The following GRAMD4 variants were observed in gnomAD, a reference collection of about 807,000 sequenced individuals.
GRAMD4 encodes GRAM domain-containing protein 4.
Under a neutral mutation model 83.9 loss-of-function variants are expected in GRAMD4, and 25 were observed. That is an observed-to-expected ratio of 0.30 (90% CI 0.22 to 0.42). GRAMD4 has a LOEUF of 0.42. GRAMD4 is among the 10% of genes least tolerant of loss of function. The pLI is 1.00. For synonymous variants in GRAMD4, 336 were observed against 320.9 expected (o/e 1.05, Z -0.50); for missense variants, 593 against 788.7 (o/e 0.75, Z 2.97).
intron 3 of GRAMD4, among the ~76,000 whole-genome samples, chr22:46,657,426 G>A (rs77974412): frequency 1.3e-4 from 20 of 152,284 alleles, no homozygotes; most frequent in African/African-American, 3.9e-4. Context: ...GAGAGAGGCC[G>A]GGTCCCCGTC....
At chr22:46,623,623 C>T (rs2147150426) in intron 1 of GRAMD4, among the ~76,000 whole-genome samples, 1 of 152,076 alleles carries the variant, frequency 6.6e-6, no homozygotes, top group South Asian at 2.1e-4. Flanking sequence ...GTCTCGATGT[C>T]CTGACCTCGT....
chr22:46,594,710 G>C (rs2081244043), intron 1 of GRAMD4, among the ~76,000 whole-genome samples: 1 of 151,990 alleles, frequency 6.6e-6, no homozygotes, highest in African/African-American at 2.4e-5. Flanking sequence ...GGCCGGACTG[G>C]AGATGGAGGC....
At chr22:46,644,616 A>C (rs2082041128) in intron 3 of GRAMD4, among the ~76,000 whole-genome samples, 2 of 149,702 alleles carry the variant, frequency 1.3e-5, no homozygotes, top group South Asian at 4.2e-4. Context: ...GTTCCAGGTT[A>C]CACCTGTCCC....
At position 46,668,081 on chromosome 22, in the gene GRAMD4, C is replaced by T. The variant is rs767680167; in HGVS notation, c.859-15C>T. On this transcript the variant is annotated splice_polypyrimidine_tract_variant and intron_variant, in intron 10 of 18. Transcript: ENST00000406902. ...TAAATTTCAGTGGAAAATTCTCTTT[C>T]CCCTTTTACTGAAGGAACCTCCAAA... 1.3e-6 allele frequency: 2 copies of T among 1,575,284 alleles called. No homozygotes were observed. Among genetic ancestry groups the T allele is most frequent in the Non-Finnish European group, 1.7e-6 (2 of 1,146,150 alleles).
intron 2 of GRAMD4, among the ~76,000 whole-genome samples, chr22:46,631,094 C>G (rs1173163449): frequency 6.6e-6 from 1 of 152,258 alleles, no homozygotes; most frequent in Non-Finnish European, 1.5e-5. Flanking sequence ...TTTTATTGTG[C>G]AGGAAGTTGG....
At chr22:46,649,795 G>A (rs904332668) in intron 3 of GRAMD4, among the ~76,000 whole-genome samples, 3 of 152,230 alleles carry the variant, frequency 2.0e-5, no homozygotes, top group Non-Finnish European at 4.4e-5. Flanking sequence ...CACAATAAAA[G>A]CGAGGCATTT....
chr22:46,592,376 A>G (rs1346614311), intron 1 of GRAMD4, among the ~76,000 whole-genome samples: 1 of 152,068 alleles, frequency 6.6e-6, no homozygotes, highest in African/African-American at 2.4e-5. Flanking sequence ...TTGGGAGGCT[A>G]AGGCGGGAGG....
intron 1 of GRAMD4, among the ~76,000 whole-genome samples, chr22:46,600,240 G>C (rs7284276): frequency 0.21 from 31,589 of 152,134 alleles, 3,778 homozygotes; most frequent in East Asian, 0.34. Context: ...GGTGGGATGT[G>C]GGCCACTGCT....
chr22:46,655,597 G>C (rs1004479731), intron 3 of GRAMD4, among the ~76,000 whole-genome samples: 1 of 152,156 alleles, frequency 6.6e-6, no homozygotes, highest in Non-Finnish European at 1.5e-5. Flanking sequence ...GGAGCCAGCC[G>C]GCCGCCCAGA....
chr22:46,583,096 G>C (rs1370905857), intron 1 of GRAMD4, among the ~76,000 whole-genome samples: 2 of 152,250 alleles, frequency 1.3e-5, no homozygotes, highest in African/African-American at 4.8e-5. Flanking sequence ...GGCTAATTTT[G>C]TATTTTTAGT....
intron 1 of GRAMD4, among the ~76,000 whole-genome samples, chr22:46,597,957 A>G (rs1243157126): frequency 6.6e-6 from 1 of 151,640 alleles, no homozygotes; most frequent in African/African-American, 2.4e-5. Context: ...TTTTTAGTCC[A>G]TTAGGTTTTG....
At chr22:46,675,058 A>G (rs142629142) in intron 16 of GRAMD4, among the ~76,000 whole-genome samples, 12 of 152,310 alleles carry the variant, frequency 7.9e-5, no homozygotes, top group East Asian at 3.9e-4. Context: ...GGGACCTGCT[A>G]TTGCTGAGGC....
At chr22:46,577,093 C>A (rs2081048893), upstream of GRAMD4, 1 of 154,622 alleles carries the variant, frequency 6.5e-6, no homozygotes, top group African/African-American at 2.5e-5. Flanking sequence ...CGCGCAGACT[C>A]CGCGCAGCGG....
At position 46,663,134 on chromosome 22, in the gene GRAMD4, G is replaced by T; in HGVS notation, c.561G>T (p.Glu187Asp). 6.2e-7 allele frequency: 1 copy of T among 1,612,530 alleles called. No individual in the cohort carries two copies. Among genetic ancestry groups the T allele is most frequent in the East Asian group, 2.2e-5 (1 of 44,868 alleles). Residue 187 changes from glutamate to aspartate, a missense_variant, in exon 6 of 19, where the codon GAG becomes GAT. Glu to Asp is a conservative substitution (Grantham distance 45). Transcript: ENST00000406902. ...AGGACTTCCGGTTCCAGCCCGAGGA[G>T]AACACTGTGGAGACAGAGGAACCCC... The part of the protein sequence containing the change: ...YVEDFRFQPE[E>D]NTVETEEPLS...
intron 3 of GRAMD4, among the ~76,000 whole-genome samples, chr22:46,643,506 T>A (rs1462443635): frequency 6.6e-6 from 1 of 152,234 alleles, no homozygotes; most frequent in African/African-American, 2.4e-5. Context: ...AATCAGGAAA[T>A]TAACATTGAT....
intron 1 of GRAMD4, among the ~76,000 whole-genome samples, chr22:46,602,231 C>A (rs897190284): frequency 1.3e-5 from 2 of 152,240 alleles, no homozygotes; most frequent in African/African-American, 4.8e-5. Flanking sequence ...AGGAGAGCTT[C>A]CTGGAAGTGA....
chr22:46,658,397 C>A (rs992877704), intron 4 of GRAMD4, 90 bp downstream of exon 4: 1 of 1,253,148 alleles, frequency 8.0e-7, no homozygotes, highest in Non-Finnish European at 1.1e-6. Flanking sequence ...GCACCCATAG[C>A]GTCTTGGCAG....
intron 1 of GRAMD4, chr22:46,577,334 C>T: frequency 1.0e-6 from 1 of 976,732 alleles, no homozygotes; most frequent in Non-Finnish European, 1.2e-6. Flanking sequence ...ACCTGGTTGC[C>T]CCGCGACCAC....
At chr22:46,639,266 G>A (rs1359281506) in intron 3 of GRAMD4, among the ~76,000 whole-genome samples, 1 of 152,086 alleles carries the variant, frequency 6.6e-6, no homozygotes, top group African/African-American at 2.4e-5. Flanking sequence ...GTAGACAGTG[G>A]TAGTTAACCC....
Sources: allele counts gnomAD v4.1 joint callset (sites outside exome capture counted in the v4.1 genomes callset), GRCh38; gene constraint gnomAD v4.1.1; transcripts MANE v1.5; gene names NCBI Gene and HGNC (gene_info 2026-07-23, HGNC 2026-07-21).